The following ST6GAL1 variants were observed in gnomAD, a reference collection of about 807,000 sequenced individuals.
ST6GAL1 encodes the protein ST6 beta-galactoside alpha-2,6-sialyltransferase 1.
Under a neutral mutation model 38.0 loss-of-function variants are expected in ST6GAL1, and 20 were observed. The observed-to-expected ratio is 0.53, with a 90% CI of 0.37 to 0.77. ST6GAL1 has a LOEUF of 0.77. ST6GAL1 is among the 30% of genes least tolerant of loss of function. The pLI, the probability that ST6GAL1 is intolerant of heterozygous loss-of-function variation, is 0.00. For synonymous variants in ST6GAL1, 196 were observed against 188.2 expected (o/e 1.04, Z -0.34); for missense variants, 432 against 496.4 (o/e 0.87, Z 1.23).
At chr3:186,957,009 A>C (rs1454744237) in intron 1 of ST6GAL1, among the ~76,000 whole-genome samples, 1 of 152,242 alleles carries the variant, frequency 6.6e-6, no homozygotes, top group African/African-American at 2.4e-5. Context: ...ATAAAATAAA[A>C]GCAATGTGCA....
chr3:186,982,711 C>T (rs1032023783), intron 2 of ST6GAL1, among the ~76,000 whole-genome samples: 10 of 151,850 alleles, frequency 6.6e-5, no homozygotes, highest in African/African-American at 7.3e-5. Flanking sequence ...GAAGGAGTTT[C>T]GCTCTTGTTG....
chr3:186,957,446 C>T (rs1052981521), intron 1 of ST6GAL1, among the ~76,000 whole-genome samples: 8 of 151,618 alleles, frequency 5.3e-5, no homozygotes, highest in African/African-American at 9.7e-5. Flanking sequence ...CTGTCCCTCC[C>T]GCCTAAAAGA....
chr3:186,990,870 G>A (rs1172113639), intron 2 of ST6GAL1, among the ~76,000 whole-genome samples: 2 of 151,174 alleles, frequency 1.3e-5, no homozygotes, highest in African/African-American at 4.9e-5. Flanking sequence ...AGGAGCAGCT[G>A]ACCTAGATGC....
At chr3:187,048,393 G>T (rs1288074840) in intron 4 of ST6GAL1, among the ~76,000 whole-genome samples, 5 of 152,040 alleles carry the variant, frequency 3.3e-5, no homozygotes, top group Admixed American at 3.3e-4. Context: ...CCCTCATTGT[G>T]GTCCTGACAC....
chr3:187,065,699 C>T (rs1176980953), intron 5 of ST6GAL1, among the ~76,000 whole-genome samples: 1 of 152,206 alleles, frequency 6.6e-6, no homozygotes, highest in African/African-American at 2.4e-5. Context: ...AGAAGACCTA[C>T]TTCCTATATG....
At chr3:187,053,604 G>C (rs2108588577) in intron 5 of ST6GAL1, among the ~76,000 whole-genome samples, 1 of 152,218 alleles carries the variant, frequency 6.6e-6, no homozygotes, top group South Asian at 2.1e-4. Flanking sequence ...AGATCAGATG[G>C]TTGTAGATGT....
intron 3 of ST6GAL1, among the ~76,000 whole-genome samples, chr3:187,041,077 C>A (rs1238407562): frequency 6.6e-6 from 1 of 151,398 alleles, no homozygotes; most frequent in Non-Finnish European, 1.5e-5. Context: ...TGCTGCTCTC[C>A]TGTCTCTGTT....
chr3:186,992,564 C>T (rs1342903843), intron 2 of ST6GAL1, among the ~76,000 whole-genome samples: 5 of 152,104 alleles, frequency 3.3e-5, no homozygotes, highest in African/African-American at 4.8e-5. Flanking sequence ...GAGGCCAAGG[C>T]GGGTGGATCA....
chr3:187,010,399 C>T (rs1032345285), intron 2 of ST6GAL1, among the ~76,000 whole-genome samples: 4 of 152,126 alleles, frequency 2.6e-5, no homozygotes, highest in African/African-American at 9.7e-5. Context: ...ATTGAATCCC[C>T]AGCCTGTCAC....
chr3:187,007,277 T>C (rs1224127069), intron 2 of ST6GAL1, among the ~76,000 whole-genome samples: 11 of 151,258 alleles, frequency 7.3e-5, no homozygotes, highest in Non-Finnish European at 1.6e-4. Context: ...AGGAGAGAGG[T>C]GGAAAAAGGG....
At chr3:186,937,949 C>T (rs1188062617) in intron 1 of ST6GAL1, among the ~76,000 whole-genome samples, 1 of 152,158 alleles carries the variant, frequency 6.6e-6, no homozygotes, top group Non-Finnish European at 1.5e-5. Context: ...TGGCGGGTGC[C>T]TATAATCCCA....
At position 187,075,677 on chromosome 3, in the gene ST6GAL1, G is replaced by T; in HGVS notation, c.1095G>T (p.Thr365=). 6 of 1,614,200 alleles carry T rather than the reference G, an allele frequency of 3.7e-6. No individual in the cohort carries two copies. The highest frequency in any genetic ancestry group is 5.1e-6 in the Non-Finnish European group (6 of 1,180,044). The part of the protein sequence containing the change: ...YYQKFFDSAC[T]MGAYHPLLYE... ...AGAAGTTCTTCGATAGTGCCTGCAC[G>T]ATGGGTGCCTACCACCCGCTGCTCT... The change falls in exon 8 of 8, where the codon ACG becomes ACT. Residue 365 remains threonine, a synonymous_variant. Transcript: ENST00000169298. The surrounding 1 kb of genome is among the most constrained non-coding windows in gnomAD (Gnocchi z 4.1).
At chr3:187,010,474 A>AT (rs1250754079) in intron 2 of ST6GAL1, among the ~76,000 whole-genome samples, 5 of 152,182 alleles carry the variant, frequency 3.3e-5, no homozygotes, top group South Asian at 2.1e-4. Context: ...TGATTTATTT[A>AT]TTTTTTGAGA....
In ST6GAL1 at chr3:187,051,251, G is replaced by C. The variant is rs1339877596; in HGVS notation, c.610G>C (p.Asp204His). Residue 204 changes from aspartate to histidine, a missense_variant and splice_region_variant, in exon 5 of 8, where the codon GAT becomes CAT. Coordinates refer to ENST00000169298, the MANE Select transcript of ST6GAL1 (RefSeq NM_173216.2). ...KSSQLGREIDDHDAVLRFNGA... is the reference protein window; with the variant it reads ...KSSQLGREIDHHDAVLRFNGA... ...TTCTGTTTCTTTGTGGTTTATAGAT[G>C]ATCATGACGCAGTCCTGAGGTTTAA... 2.5e-6 allele frequency: 4 copies of C among 1,613,068 alleles called. No individual in the cohort carries two copies. Among genetic ancestry groups the C allele is most frequent in the African/African-American group, 1.3e-5 (1 of 74,756 alleles).
chr3:187,004,659 C>T (rs1477460726), intron 2 of ST6GAL1, among the ~76,000 whole-genome samples: 1 of 152,204 alleles, frequency 6.6e-6, no homozygotes, highest in Non-Finnish European at 1.5e-5. Flanking sequence ...CCCTTTCAGC[C>T]AGTACCAGAT....
At chr3:186,957,739 T>C (rs776877283) in intron 1 of ST6GAL1, among the ~76,000 whole-genome samples, 2 of 152,212 alleles carry the variant, frequency 1.3e-5, no homozygotes, top group Non-Finnish European at 2.9e-5. Context: ...TGACATCATC[T>C]ATCTCTACAG....
Position 187,043,200 on chromosome 3 carries a change from A to C in ST6GAL1, c.497A>C (p.Glu166Ala). The change falls in exon 4 of 8, where the codon GAG becomes GCG. Residue 166 changes from glutamate to alanine, a missense_variant. Glu to Ala is a moderately radical substitution (Grantham distance 107). Coordinates refer to ENST00000169298, the MANE Select transcript of ST6GAL1 (RefSeq NM_173216.2). ...TDFPFNTSEW[E>A]GYLPKESIRT... ...TTTCCCTTCAATACCTCTGAATGGG[A>C]GGGTTATCTGCCCAAGGAGAGCATT... 1 of 1,614,152 alleles carries C rather than the reference A, an allele frequency of 6.2e-7. No homozygotes were observed. The highest frequency in any genetic ancestry group is 1.3e-5 in the African/African-American group (1 of 75,022).
chr3:186,995,601 T>C (rs1222500064), intron 2 of ST6GAL1, among the ~76,000 whole-genome samples: 1 of 151,874 alleles, frequency 6.6e-6, no homozygotes, highest in Non-Finnish European at 1.5e-5. Context: ...CCTAGCACTT[T>C]GGGAGGCTGA....
Position 187,044,586 on chromosome 3 carries a change from C to T in ST6GAL1, c.607+1276C>T, listed in dbSNP as rs914736203. Among the ~76,000 whole-genome samples, 7 of 152,296 alleles carry T rather than the reference C, an allele frequency of 4.6e-5. No homozygotes were observed. The East Asian group carries it at 1.3e-3, about 29-fold the overall frequency. ...TAAATGTGATTGGTTTTTGTTCATC[C>T]ATAATGGAGCTAAGTTTCTTTCTTC... On this transcript the variant is annotated intron_variant, in intron 4 of 7. Transcript: ENST00000169298.
Sources: gnomAD v4.1 joint callset for allele counts (sites outside exome capture counted in the v4.1 genomes callset) on GRCh38, gnomAD v4.1.1 for gene constraint, Gnocchi (gnomAD v3.1) non-coding constraint, MANE v1.5 for transcripts, NCBI Gene and HGNC (gene_info 2026-07-23, HGNC 2026-07-21) for gene names.